Variants in SAMM50 observed in about 807,000 individuals in gnomAD.
SAMM50 encodes sorting and assembly machinery component 50 homolog.
In SAMM50, 47 loss-of-function variants were observed where a neutral mutation model predicts 66.9. That is an observed-to-expected ratio of 0.70 (90% CI 0.56 to 0.90). The LOEUF (loss-of-function observed/expected upper bound fraction) is 0.90, where lower values mean the gene tolerates loss of function less well. Ranked by LOEUF, SAMM50 falls within the 40% of genes least tolerant of loss-of-function variation. The probability of loss-of-function intolerance (pLI) is 0.00; values close to 1 mark genes in which losing one functional copy is unlikely to be tolerated. For synonymous variants in SAMM50, 191 were observed against 214.1 expected (o/e 0.89, Z 0.94); for missense variants, 535 against 595.3 (o/e 0.90, Z 1.05).
rs561952724 is a variant in SAMM50, at chr22:43,977,306, T to C, written c.849+485T>C. ...TTGTTGGAGGCAGGGGGATAGTTCT[T>C]TACTGTAAGGTACCTACAAGGTGCA... On this transcript the variant is annotated intron_variant, in intron 9 of 14. Coordinates refer to ENST00000350028, the MANE Select transcript of SAMM50 (RefSeq NM_015380.5). Among the ~76,000 whole-genome samples the C allele has an allele frequency of 1.1e-4, 17 of 152,224 alleles. 1 individual carries two copies. The highest frequency in any genetic ancestry group is 3.9e-4 in the African/African-American group (16 of 41,540).
chr22:43,972,659 C>T lies in SAMM50; in HGVS notation c.430-212C>T, dbSNP rs181441459. On this transcript the variant is annotated intron_variant, in intron 5 of 14. Transcript: ENST00000350028. ...CACGGGTGGCAAGGTTAGCTTGTCC[C>T]TTGCATTAATCAGGTTTGAATGCAG... Among the ~76,000 whole-genome samples, 139 of 152,282 alleles carry T rather than the reference C, an allele frequency of 9.1e-4. 1 individual carries two copies. Among genetic ancestry groups the T allele is most frequent in the African/African-American group, 3.2e-3 (132 of 41,548 alleles).
chr22:43,988,928 A>C (rs926017056), intron 12 of SAMM50, 183 bp from the exon 13 acceptor site: 4 of 511,332 alleles, frequency 7.8e-6, no homozygotes, highest in African/African-American at 7.7e-5. Flanking sequence ...ACCAGGAGAA[A>C]AAGAAAGATT....
At chr22:43,970,115 G>A (rs554652062) in intron 4 of SAMM50, among the ~76,000 whole-genome samples, 32 of 152,290 alleles carry the variant, frequency 2.1e-4, no homozygotes, top group African/African-American at 7.5e-4. Context: ...AAGAACAGTG[G>A]CTTAGACAAG....
chr22:43,979,890 C>G (rs1016293326), intron 10 of SAMM50, among the ~76,000 whole-genome samples: 1 of 150,646 alleles, frequency 6.6e-6, no homozygotes, highest in Non-Finnish European at 1.5e-5. Context: ...CTGTAACTCC[C>G]TTTTTTTCAG....
intron 14 of SAMM50, among the ~76,000 whole-genome samples, chr22:43,991,525 C>A (rs938158059): frequency 1.3e-5 from 2 of 152,140 alleles, no homozygotes; most frequent in Non-Finnish European, 2.9e-5. Flanking sequence ...GCATTGGCCT[C>A]CCAAAGTACT....
At chr22:43,963,942 C>T (rs1005784308) in intron 2 of SAMM50, among the ~76,000 whole-genome samples, 2 of 148,820 alleles carry the variant, frequency 1.3e-5, no homozygotes, top group Non-Finnish European at 2.9e-5. Flanking sequence ...AAGTCTCACT[C>T]TGTCACCCAG....
chr22:43,991,015 C>T (rs940181869), intron 14 of SAMM50, among the ~76,000 whole-genome samples: 3 of 148,666 alleles, frequency 2.0e-5, no homozygotes, highest in African/African-American at 7.5e-5. Context: ...CTCATTCTGT[C>T]GCCCAGGCTG....
chr22:43,971,469 CT>C (rs2050203342), intron 4 of SAMM50, among the ~76,000 whole-genome samples: 1 of 152,176 alleles, frequency 6.6e-6, no homozygotes, highest in South Asian at 2.1e-4. Flanking sequence ...AGACATGCCT[CT>C]TACACACAGT....
At chr22:43,966,251 G>A (rs1456647844) in intron 3 of SAMM50, among the ~76,000 whole-genome samples, 1 of 152,156 alleles carries the variant, frequency 6.6e-6, no homozygotes, top group African/African-American at 2.4e-5. Context: ...CATTGACTGT[G>A]TTTTAGGATA....
At chr22:43,975,948 A>G in intron 7 of SAMM50, 107 bp from the exon 8 acceptor site, 5 of 1,184,716 alleles carry the variant, frequency 4.2e-6, no homozygotes, top group Non-Finnish European at 5.9e-6. Flanking sequence ...ATTAAAAAAA[A>G]TTAGATATTT....
intron 1 of SAMM50, among the ~76,000 whole-genome samples, chr22:43,956,222 A>T (rs1261374895): frequency 6.6e-6 from 1 of 152,140 alleles, no homozygotes; most frequent in African/African-American, 2.4e-5. Context: ...CGTTTATCCT[A>T]ATCTTAAATA....
At chr22:43,976,492 C>T (rs1270658537) in intron 8 of SAMM50, among the ~76,000 whole-genome samples, 3 of 152,168 alleles carry the variant, frequency 2.0e-5, no homozygotes, top group East Asian at 3.8e-4. Flanking sequence ...AGAACGAACC[C>T]GGTGGTGGGT....
intron 4 of SAMM50, among the ~76,000 whole-genome samples, chr22:43,971,133 A>C (rs970078861): frequency 1.3e-5 from 2 of 152,102 alleles, no homozygotes; most frequent in Non-Finnish European, 2.9e-5. Context: ...ATCCGACTGC[A>C]CTCCAGCCTG....
chr22:43,973,641 TTTG>T (rs1392726750), intron 7 of SAMM50, among the ~76,000 whole-genome samples: 2 of 152,196 alleles, frequency 1.3e-5, no homozygotes, highest in Non-Finnish European at 2.9e-5. Context: ...AGGTTTCTTT[TTTG>T]TTGTTGTTGA....
intron 12 of SAMM50, among the ~76,000 whole-genome samples, 170 bp downstream of exon 12, chr22:43,984,170 G>A (rs527751511): frequency 2.6e-5 from 4 of 152,206 alleles, no homozygotes; most frequent in African/African-American, 9.6e-5. Flanking sequence ...TTTATTGAGA[G>A]AATTGTAGGA....
intron 3 of SAMM50, among the ~76,000 whole-genome samples, chr22:43,965,005 G>C (rs567880349): frequency 6.6e-6 from 1 of 151,970 alleles, no homozygotes; most frequent in East Asian, 1.9e-4. Flanking sequence ...ACTGCACCCC[G>C]TTTCTCATCT....
chr22:43,978,062 T>C, intron 10 of SAMM50, 104 bp downstream of exon 10: 1 of 730,626 alleles, frequency 1.4e-6, no homozygotes. Context: ...AGTGGAAGCC[T>C]GGGCGGTAAT....
rs1171742785 is a variant in SAMM50 at position 43,996,486 on chromosome 22, G to A, written c.*103G>A. 22 of 1,060,148 alleles carry A rather than the reference G, an allele frequency of 2.1e-5. No homozygotes were observed. Among genetic ancestry groups the A allele is most frequent in the Middle Eastern group, 2.0e-4 (1 of 4,914 alleles). The allele number at this position is 1,060,148 out of a possible 1,614,324, so 65.7% of individuals were successfully genotyped here. A position where few individuals can be genotyped will look rare whatever the true frequency, so the allele number is the denominator to read the frequency against. ...CGCGGTTCAGCGATTCTTTGACTGCGGACCCTGTGGGAAACCCCGTCAATA... is the reference window on the plus strand; with the variant it reads ...CGCGGTTCAGCGATTCTTTGACTGCAGACCCTGTGGGAAACCCCGTCAATA... On this transcript the variant is annotated 3_prime_UTR_variant, in exon 15 of 15. Transcript: ENST00000350028.
In SAMM50 at chr22:43,990,402, G is replaced by A; in HGVS notation, c.1360G>A (p.Asp454Asn). The A allele has an allele frequency of 2.5e-6, 4 of 1,613,970 alleles. No individual in the cohort carries two copies. The highest frequency in any genetic ancestry group is 3.4e-6 in the Non-Finnish European group (4 of 1,179,878). ...CGTCCCCATGGGAGTACAGACAGGC[G>A]ACAGGTACGTGTTGGGAATTATTTT... ...YCVPMGVQTG[D>N]RICDGVQFGA... Residue 454 changes from aspartate (D) to asparagine (N), a missense_variant, in exon 14 of 15, where the codon GAC (aspartate) becomes AAC (asparagine). By Grantham distance (23) the Asp-to-Asn change is conservative. Coordinates refer to ENST00000350028, the MANE Select transcript of SAMM50 (RefSeq NM_015380.5).
Sources: gnomAD v4.1 joint callset for allele counts (sites outside exome capture counted in the v4.1 genomes callset) on GRCh38, gnomAD v4.1.1 for gene constraint, MANE v1.5 for transcripts, NCBI Gene and HGNC (gene_info 2026-07-23, HGNC 2026-07-21) for gene names.